The following RUNDC3B variants were observed in gnomAD, a reference collection of about 807,000 sequenced individuals.
RUNDC3B encodes RUN domain containing 3B, also known as RUN domain-containing protein 3B.
Under a neutral mutation model 58.4 loss-of-function variants are expected in RUNDC3B, and 33 were observed. The observed-to-expected ratio is 0.56, with a 90% CI of 0.43 to 0.75. RUNDC3B has a LOEUF of 0.75. RUNDC3B is among the 30% of genes least tolerant of loss of function. RUNDC3B has a pLI of 0.00. For synonymous variants in RUNDC3B, 193 were observed against 195.2 expected, an observed-to-expected ratio of 0.99 and a Z score of 0.10; for missense variants, 501 against 535.7, an observed-to-expected ratio of 0.94 and a Z score of 0.64.
At chr7:87,828,030 A>G (rs59964059) in intron 10 of RUNDC3B, among the ~76,000 whole-genome samples, 4,282 of 152,304 alleles carry the variant, frequency 0.028, 59 homozygotes, top group Middle Eastern at 0.048. Context: ...TATTACAAAC[A>G]GTATTCTCTA....
chr7:87,697,189 C>T (rs992911932), intron 2 of RUNDC3B, among the ~76,000 whole-genome samples: 10 of 152,202 alleles, frequency 6.6e-5, no homozygotes, highest in African/African-American at 2.4e-4. Flanking sequence ...TTATCTTTCT[C>T]TGTGGTTACC....
At chr7:87,634,576 C>T (rs1264728100) in intron 1 of RUNDC3B, among the ~76,000 whole-genome samples, 2 of 149,946 alleles carry the variant, frequency 1.3e-5, no homozygotes, top group African/African-American at 4.9e-5. Flanking sequence ...TGCAGTGAGC[C>T]GAGATTCACT....
intron 10 of RUNDC3B, among the ~76,000 whole-genome samples, chr7:87,827,317 GTC>G (rs1837868931): frequency 6.6e-6 from 1 of 152,034 alleles, no homozygotes; most frequent in Non-Finnish European, 1.5e-5. Flanking sequence ...GTGAAACACT[GTC>G]TCTATTAAAA....
chr7:87,691,728 T>C (rs1040958571), intron 2 of RUNDC3B, among the ~76,000 whole-genome samples: 8 of 152,196 alleles, frequency 5.3e-5, no homozygotes, highest in African/African-American at 1.9e-4. Flanking sequence ...CTCATGTTTT[T>C]CCCCCTTCTT....
At chr7:87,715,346 TA>T (rs1473515959) in intron 4 of RUNDC3B, among the ~76,000 whole-genome samples, 3 of 120,328 alleles carry the variant, frequency 2.5e-5, no homozygotes, top group South Asian at 2.3e-4. Flanking sequence ...TAATTTATAA[TA>T]ATTATATATA....
chr7:87,641,012 T>C (rs1285711598), intron 1 of RUNDC3B, among the ~76,000 whole-genome samples: 1 of 152,216 alleles, frequency 6.6e-6, no homozygotes, highest in Non-Finnish European at 1.5e-5. Context: ...ATTATCTTTA[T>C]ATCTACTTTT....
At chr7:87,781,030 T>C (rs532815788) in intron 8 of RUNDC3B, among the ~76,000 whole-genome samples, 4 of 152,300 alleles carry the variant, frequency 2.6e-5, no homozygotes, top group Non-Finnish European at 5.9e-5. Flanking sequence ...GGTATTTTAA[T>C]AGGGATAGCA....
intron 3 of RUNDC3B, among the ~76,000 whole-genome samples, chr7:87,702,142 C>CAAAAA (rs146127516): frequency 0.03 from 499 of 16,750 alleles, 119 homozygotes; most frequent in Middle Eastern, 0.077. Flanking sequence ...GACTCTGTCT[C>CAAAAA]AAAAAAAAAA....
intron 8 of RUNDC3B, among the ~76,000 whole-genome samples, chr7:87,778,876 T>C (rs199814011): frequency 6.6e-6 from 1 of 151,126 alleles, no homozygotes; most frequent in African/African-American, 2.4e-5. Flanking sequence ...CTTAAAAAAA[T>C]AATTTAAATT....
At chr7:87,629,022 G>T in intron 1 of RUNDC3B, 77 bp downstream of exon 1, 1 of 1,248,734 alleles carries the variant, frequency 8.0e-7, no homozygotes, top group Non-Finnish European at 1.0e-6. Flanking sequence ...GGTCCTTGGG[G>T]GTCCCGGGCA....
chr7:87,705,735 T>A (rs1829525055), intron 3 of RUNDC3B, among the ~76,000 whole-genome samples: 1 of 152,204 alleles, frequency 6.6e-6, no homozygotes, highest in Admixed American at 6.5e-5. Context: ...CATTCTTTTC[T>A]GAACTCACCC....
intron 4 of RUNDC3B, among the ~76,000 whole-genome samples, chr7:87,720,192 C>T (rs541157168): frequency 2.6e-5 from 4 of 152,158 alleles, no homozygotes; most frequent in African/African-American, 9.6e-5. Context: ...TGACAACTCA[C>T]AAGAATATGT....
chr7:87,770,500 CG>C, intron 6 of RUNDC3B, 80 bp from the exon 7 acceptor site: 1 of 1,074,312 alleles, frequency 9.3e-7, no homozygotes, highest in Non-Finnish European at 1.4e-6. Flanking sequence ...ATTTGTTCAC[CG>C]TAGCTTGCAA....
At position 87,816,263 on chromosome 7, in the gene RUNDC3B, G is replaced by C. The variant is rs1837025954; in HGVS notation, c.1225+1G>C. The stretch of plus-strand genomic sequence containing the variant: ...GACACATTAAATGTAATGAGTGAAG[G>C]TAAGAAAACAAAGAACTATTTGAAA... On this transcript the variant is annotated splice_donor_variant, in intron 10 of 10. Coordinates refer to ENST00000394654, the MANE Select transcript of RUNDC3B (RefSeq NM_001134405.2). LOFTEE classifies it high-confidence loss of function. The C allele has an allele frequency of 6.2e-7, 1 of 1,606,318 alleles. No homozygotes were observed. Among genetic ancestry groups the C allele is most frequent in the Non-Finnish European group, 8.5e-7 (1 of 1,176,354 alleles).
intron 7 of RUNDC3B, among the ~76,000 whole-genome samples, chr7:87,773,648 TTTGTC>T (rs1264757700): frequency 1.3e-3 from 162 of 128,692 alleles, no homozygotes; most frequent in African/African-American, 5.0e-3. Context: ...TTGTTTTGTT[TTTGTC>T]TTGTCTTGTT....
intron 8 of RUNDC3B, among the ~76,000 whole-genome samples, chr7:87,798,593 T>G (rs1835943346): frequency 6.6e-6 from 1 of 152,202 alleles, no homozygotes; most frequent in African/African-American, 2.4e-5. Flanking sequence ...AAGCTCATCT[T>G]GTATATTTAG....
chr7:87,751,927 G>A (rs1205743006), intron 6 of RUNDC3B, among the ~76,000 whole-genome samples: 1 of 152,162 alleles, frequency 6.6e-6, no homozygotes, highest in Non-Finnish European at 1.5e-5. Context: ...TAGGAGTGGT[G>A]AGAGAGGGCA....
At chr7:87,704,718 A>G (rs532175739) in intron 3 of RUNDC3B, among the ~76,000 whole-genome samples, 2 of 152,358 alleles carry the variant, frequency 1.3e-5, no homozygotes, top group Admixed American at 1.3e-4. Flanking sequence ...GGCCTCAAAC[A>G]GATTCCATTT....
At chr7:87,760,465 T>C (rs891242014) in intron 6 of RUNDC3B, among the ~76,000 whole-genome samples, 1 of 152,072 alleles carries the variant, frequency 6.6e-6, no homozygotes, top group Non-Finnish European at 1.5e-5. Context: ...TTTTTGTTTG[T>C]AGAAATGGAC....
Sources: gnomAD v4.1 joint callset for allele counts (sites outside exome capture counted in the v4.1 genomes callset) on GRCh38, gnomAD v4.1.1 for gene constraint, MANE v1.5 for transcripts, NCBI Gene and HGNC (gene_info 2026-07-23, HGNC 2026-07-21) for gene names.